Variants in PAX5 observed in about 807,000 individuals in gnomAD.
PAX5 encodes the protein paired box protein Pax-5.
A neutral mutation model predicts 43.7 loss-of-function variants in PAX5; 9 were observed. That is an observed-to-expected ratio of 0.21 (90% CI 0.12 to 0.36). PAX5 has a LOEUF of 0.36. Ranked by LOEUF, PAX5 falls within the 10% of genes least tolerant of loss-of-function variation. PAX5 has a pLI of 1.00. For missense variants in PAX5, 383 were observed against 532.7 expected, an observed-to-expected ratio of 0.72 and a Z score of 2.77; for synonymous variants, 228 against 214.3, an observed-to-expected ratio of 1.06 and a Z score of -0.56.
intron 8 of PAX5, among the ~76,000 whole-genome samples, chr9:36,857,642 C>T (rs922358507): frequency 5.9e-5 from 9 of 152,174 alleles, no homozygotes; most frequent in Non-Finnish European, 1.3e-4. Context: ...TAGTGGGTAC[C>T]GAAATCTGTC....
At chr9:36,906,489 C>T (rs1380021854) in intron 7 of PAX5, among the ~76,000 whole-genome samples, 1 of 152,174 alleles carries the variant, frequency 6.6e-6, no homozygotes, top group East Asian at 1.9e-4. Flanking sequence ...GAATTTTACC[C>T]CAGGGCTTCC....
In PAX5 at chr9:36,836,783, A is replaced by T. The variant is rs1723986824; in HGVS notation, c.*3777T>A. ...CCTGTTCCAAAGTGCGAAGGCAAAG[A>T]AAGGGAAGTGGGGGACAGCACATGA... On this transcript the variant is annotated 3_prime_UTR_variant, in exon 10 of 10. Coordinates refer to ENST00000358127, the MANE Select transcript of PAX5 (RefSeq NM_016734.3). 1 of 232,084 alleles carries T rather than the reference A, an allele frequency of 4.3e-6. No individual in the cohort carries two copies. Among genetic ancestry groups the T allele is most frequent in the South Asian group, 1.8e-4 (1 of 5,522 alleles). The allele number at this position is 232,084 out of a possible 1,614,324, so 14.4% of individuals were successfully genotyped here. A position where few individuals can be genotyped will look rare whatever the true frequency, so the allele number is the denominator to read the frequency against.
chr9:36,977,263 G>T (rs1206439075), intron 5 of PAX5, among the ~76,000 whole-genome samples: 2 of 143,976 alleles, frequency 1.4e-5, no homozygotes, highest in African/African-American at 5.1e-5. Flanking sequence ...AGGAAACTGA[G>T]GCAGGGGGTT....
rs1054419634 is a variant in PAX5, at chr9:36,991,944, T to C, written c.604+10704A>G. On this transcript the variant is annotated intron_variant, in intron 5 of 9. Coordinates refer to ENST00000358127, the MANE Select transcript of PAX5 (RefSeq NM_016734.3). ...CCTTTTATCCTTCTTCCTCTCTCAATTTTTCTCAAATTACCTTAAGACATT... is the reference window on the plus strand; with the variant it reads ...CCTTTTATCCTTCTTCCTCTCTCAACTTTTCTCAAATTACCTTAAGACATT... Among the ~76,000 whole-genome samples, 17 of 152,318 alleles carry C rather than the reference T, an allele frequency of 1.1e-4. No individual in the cohort carries two copies. In the East Asian group the frequency reaches 3.3e-3, roughly 29 times the overall value.
At chr9:36,996,216 G>T (rs945561317) in intron 5 of PAX5, among the ~76,000 whole-genome samples, 3 of 152,222 alleles carry the variant, frequency 2.0e-5, no homozygotes, top group Non-Finnish European at 4.4e-5. Flanking sequence ...TCAAACATAG[G>T]CCTCTCCGTG....
intron 6 of PAX5, among the ~76,000 whole-genome samples, chr9:36,928,098 C>T (rs1035415095): frequency 1.2e-4 from 18 of 152,340 alleles, no homozygotes; most frequent in African/African-American, 3.8e-4. Flanking sequence ...TCTTACTCTG[C>T]TCCTGCATGA....
At chr9:36,992,684 C>T (rs550654173) in intron 5 of PAX5, among the ~76,000 whole-genome samples, 10 of 152,358 alleles carry the variant, frequency 6.6e-5, no homozygotes, top group Non-Finnish European at 1.3e-4. Flanking sequence ...AAAGACCTGC[C>T]ATGGCTCCCA....
chr9:37,014,424 A>G (rs1019601625), intron 3 of PAX5, among the ~76,000 whole-genome samples: 4 of 152,160 alleles, frequency 2.6e-5, no homozygotes, highest in Non-Finnish European at 5.9e-5. Context: ...GCACATCAGA[A>G]CCACTGGGGT....
At position 36,882,680 on chromosome 9, in the gene PAX5, C is replaced by T. The variant is rs1225375336; in HGVS notation, c.911-575G>A. ...TCTGGCCTAGTACTGAATTTTTCCT[C>T]CTTTGGCCTAGAGCTGTTTCTTCAT... On this transcript the variant is annotated intron_variant, in intron 7 of 9. Coordinates refer to ENST00000358127, the MANE Select transcript of PAX5 (RefSeq NM_016734.3). This position sits in a 1 kb window ranked among gnomAD's most constrained non-coding sequence, Gnocchi z 4.4. Among the ~76,000 whole-genome samples, 1 of 152,236 alleles carries T rather than the reference C, an allele frequency of 6.6e-6. No individual in the cohort carries two copies. Among genetic ancestry groups the T allele is most frequent in the Non-Finnish European group, 1.5e-5 (1 of 68,052 alleles).
At chr9:36,865,396 G>A (rs1262410879) in intron 8 of PAX5, among the ~76,000 whole-genome samples, 3 of 152,170 alleles carry the variant, frequency 2.0e-5, no homozygotes, top group Non-Finnish European at 4.4e-5. Flanking sequence ...AGGTAGCATG[G>A]GCGATTCTCC....
intron 2 of PAX5, among the ~76,000 whole-genome samples, chr9:37,017,876 G>A (rs1187573257): frequency 1.3e-5 from 2 of 152,228 alleles, no homozygotes; most frequent in Non-Finnish European, 2.9e-5. Flanking sequence ...TCGAAACTGT[G>A]TCAAATGAGG....
At chr9:36,863,934 C>T (rs553985268) in intron 8 of PAX5, among the ~76,000 whole-genome samples, 4 of 152,320 alleles carry the variant, frequency 2.6e-5, no homozygotes, top group South Asian at 4.1e-4. Flanking sequence ...CATGGTGAAA[C>T]CCCGTCTCTA....
At chr9:36,996,589 C>T (rs1290852268) in intron 5 of PAX5, among the ~76,000 whole-genome samples, 1 of 152,246 alleles carries the variant, frequency 6.6e-6, no homozygotes. Context: ...CTTCCTGCTT[C>T]TGTTTTCTGC....
chr9:37,027,673 G>A (rs1365497193), intron 1 of PAX5, among the ~76,000 whole-genome samples: 1 of 152,200 alleles, frequency 6.6e-6, no homozygotes, highest in African/African-American at 2.4e-5. Flanking sequence ...GCGCCGCCCC[G>A]GAGCCGCTTT....
intron 1 of PAX5, among the ~76,000 whole-genome samples, chr9:37,024,985 C>T (rs1588263379): frequency 1.3e-5 from 2 of 152,360 alleles, no homozygotes; most frequent in South Asian, 2.1e-4. Context: ...CCTCTCAGAG[C>T]ATTGCCCTAA....
chr9:37,014,310 T>TC (rs1277697939), intron 3 of PAX5, among the ~76,000 whole-genome samples: 1 of 152,234 alleles, frequency 6.6e-6, no homozygotes, highest in Non-Finnish European at 1.5e-5. Flanking sequence ...TTTCTCTGGT[T>TC]CTTTCTCTCC....
At chr9:36,843,209 C>G (rs1822245348) in intron 9 of PAX5, among the ~76,000 whole-genome samples, 1 of 152,110 alleles carries the variant, frequency 6.6e-6, no homozygotes, top group African/African-American at 2.4e-5. Context: ...CACCAAGGGA[C>G]CTCCGGACAG....
chr9:36,986,221 C>T (rs912629899), intron 5 of PAX5, among the ~76,000 whole-genome samples: 2 of 151,360 alleles, frequency 1.3e-5, no homozygotes, highest in African/African-American at 4.8e-5. Context: ...TCAGCGGGGC[C>T]CCGGCAAATA....
intron 6 of PAX5, among the ~76,000 whole-genome samples, chr9:36,949,266 T>G (rs1335898927): frequency 6.6e-6 from 1 of 152,080 alleles, no homozygotes; most frequent in African/African-American, 2.4e-5. Flanking sequence ...TTCACCATGC[T>G]AGCCAGGATG....
Sources: allele counts gnomAD v4.1 joint callset (sites outside exome capture counted in the v4.1 genomes callset), GRCh38; gene constraint gnomAD v4.1.1; non-coding constraint Gnocchi (gnomAD v3.1); transcripts MANE v1.5; gene names NCBI Gene and HGNC (gene_info 2026-07-23, HGNC 2026-07-21).